REN: variants seen among roughly 807,000 people sequenced by gnomAD.
The protein encoded by REN is angiotensin-forming enzyme.
In REN, 42 loss-of-function variants were observed where a neutral mutation model predicts 48.6. That is an observed-to-expected ratio of 0.86 (90% CI 0.68 to 1.12). The LOEUF (loss-of-function observed/expected upper bound fraction) is 1.12, where lower values mean the gene tolerates loss of function less well. Among genes scored for constraint, REN ranks in the 50% most tolerant of loss-of-function variants. REN has a pLI of 0.00. For missense variants in REN, 443 were observed against 527.3 expected (o/e 0.84, Z 1.57); for synonymous variants, 196 against 204.6 (o/e 0.96, Z 0.36).
At chr1:204,159,365 C>T in intron 5 of REN, 34 bp downstream of exon 5, 1 of 1,593,964 alleles carries the variant, frequency 6.3e-7, no homozygotes, top group East Asian at 2.2e-5. Flanking sequence ...CCCTCCTGTC[C>T]CCCCACCTCA....
chr1:204,157,405 A>G (rs372318806), intron 5 of REN, 36 bp from the exon 6 acceptor site: 1 of 1,614,170 alleles, frequency 6.2e-7, no homozygotes, highest in Non-Finnish European at 8.5e-7. Flanking sequence ...AGGAAGCTTC[A>G]TTTCATGCCA....
chr1:204,159,335 T>TCCACTCCCCATCTCTTCTC lies in REN; in HGVS notation c.689+45_689+63dup, dbSNP rs771192573. On this transcript the variant is annotated intron_variant, in intron 5 of 9. Transcript: ENST00000272190. ...TTACAATTCTGGCCCAGACTCTCCT[T>TCCACTCCCCATCTCTTCTC]CCACTCCCCATCTCTTCTCCCCTCC... 2.1e-6 allele frequency: 3 copies of TCCACTCCCCATCTCTTCTC among 1,463,388 alleles called. No individual in the cohort carries two copies. The South Asian group carries it at 3.4e-5, about 17-fold the overall frequency. 90.7% of individuals were successfully genotyped at this position (1,463,388 alleles called of 1,614,324 possible).
rs749227987 is a variant in REN, at chr1:204,159,403, T to A, written c.685A>T (p.Asn229Tyr). 4 of 1,613,286 alleles carry A rather than the reference T, an allele frequency of 2.5e-6. No individual in the cohort carries two copies. In the South Asian group the frequency reaches 4.4e-5, roughly 18 times the overall value. The change falls in exon 5 of 10, where the codon AAC becomes TAC. Residue 229 changes from asparagine (N) to tyrosine (Y), a missense_variant. Transcript: ENST00000272190. ...CCTTGGAGTCCCAGTCCCCACCTGT[T>A]GTAGTAGAAAGAGAAGACGTCCTCT... ...LKEDVFSFYY[N>Y]RDSENSQSLG...
At chr1:204,159,805 G>T (rs1323525647) in intron 4 of REN, among the ~76,000 whole-genome samples, 2 of 152,184 alleles carry the variant, frequency 1.3e-5, no homozygotes, top group East Asian at 3.9e-4. Context: ...GTTGACCAGG[G>T]ATCGGAGAGC....
intron 5 of REN, among the ~76,000 whole-genome samples, chr1:204,157,917 C>T (rs1407505819): frequency 6.6e-6 from 1 of 152,188 alleles, no homozygotes; most frequent in East Asian, 1.9e-4. Flanking sequence ...TGGCTTCTTC[C>T]TGTCTGCTGG....
chr1:204,160,371 G>C (rs1044930049), intron 4 of REN, among the ~76,000 whole-genome samples, 189 bp downstream of exon 4: 36 of 152,230 alleles, frequency 2.4e-4, no homozygotes, highest in African/African-American at 8.4e-4. Flanking sequence ...CCGTAGCCCA[G>C]GCTTGCTCCC....
intron 2 of REN, 121 bp from the exon 3 acceptor site, chr1:204,161,536 C>A: frequency 2.1e-6 from 2 of 969,180 alleles, no homozygotes; most frequent in Non-Finnish European, 2.8e-6. Flanking sequence ...TATAGCCTCT[C>A]GGGGTTTCCA....
chr1:204,156,915 T>G lies in REN; in HGVS notation c.699-119A>C, dbSNP rs958172752. ...GACAGAGGGCTCTAGAGCAGAGGAA[T>G]GTGGGACAGACAGCCAGGCTCGGAG... On this transcript the variant is annotated intron_variant, in intron 6 of 9. Coordinates refer to ENST00000272190, the MANE Select transcript of REN (RefSeq NM_000537.4). This position sits in a 1 kb window ranked among gnomAD's most constrained non-coding sequence, Gnocchi z 4.2. The G allele has an allele frequency of 1.2e-5, 16 of 1,300,328 alleles. No individual in the cohort carries two copies. Among genetic ancestry groups the G allele is most frequent in the Non-Finnish European group, 1.8e-5 (16 of 910,050 alleles). The allele number at this position is 1,300,328 out of a possible 1,614,324, so 80.5% of individuals were successfully genotyped here. A position where few individuals can be genotyped will look rare whatever the true frequency, so the allele number is the denominator to read the frequency against.
At chr1:204,157,289 G>A (rs3730101) in intron 6 of REN, 72 bp downstream of exon 6, 82 of 1,594,410 alleles carry the variant, frequency 5.1e-5, no homozygotes, top group Middle Eastern at 5.0e-4. Context: ...GGCCGGTGGC[G>A]TGTGTAATTC....
Position 204,155,087 on chromosome 1 carries a change from T to C in REN, c.1150A>G (p.Thr384Ala), listed in dbSNP as rs753179547. The change falls in exon 10 of 10, where the codon ACC becomes GCC. Residue 384 changes from threonine to alanine, a missense_variant. Thr to Ala is a moderately conservative substitution (Grantham distance 58, BLOSUM62 0). Transcript: ENST00000272190. Reference sequence around the variant, plus strand: ...TCTGTGTAGAACTTTCGGATGAAGGTGGCCCCCAGGGCCCAGGTGGGTCCA... The same window carrying C: ...TCTGTGTAGAACTTTCGGATGAAGGCGGCCCCCAGGGCCCAGGTGGGTCCA... ...PTGPTWALGA[T>A]FIRKFYTEFD... 3 of 1,614,234 alleles carry C rather than the reference T, an allele frequency of 1.9e-6. No individual in the cohort carries two copies. The highest frequency in any genetic ancestry group is 2.5e-6 in the Non-Finnish European group (3 of 1,180,052).
At chr1:204,166,096 C>A (rs1450083029) in intron 1 of REN, 100 bp downstream of exon 1, 5 of 958,298 alleles carry the variant, frequency 5.2e-6, no homozygotes, top group South Asian at 4.0e-5. Flanking sequence ...TCCAGCTGAT[C>A]GTAAGGACTG....
intron 4 of REN, among the ~76,000 whole-genome samples, chr1:204,160,348 C>T (rs1228829031): frequency 6.6e-6 from 1 of 152,240 alleles, no homozygotes; most frequent in African/African-American, 2.4e-5. Flanking sequence ...CCACAAACCA[C>T]CCAACGGTGA....
In REN at chr1:204,165,086, C is replaced by T. The variant is rs187692821; in HGVS notation, c.98+1110G>A. ...TCCCAGGTTCAAGCGATTCTCCTGC[C>T]TCAGCCTCCCAAGTAGCTGGAATTA... On this transcript the variant is annotated intron_variant, in intron 1 of 9. Coordinates refer to ENST00000272190, the MANE Select transcript of REN (RefSeq NM_000537.4). 2.0e-5 allele frequency among the ~76,000 whole-genome samples: 3 copies of T among 152,230 alleles called. No homozygotes were observed. In the East Asian group the frequency reaches 5.8e-4, roughly 29 times the overall value.
intron 3 of REN, 32 bp downstream of exon 3, chr1:204,161,260 G>A (rs1314843608): frequency 3.8e-6 from 6 of 1,568,910 alleles, no homozygotes; most frequent in Non-Finnish European, 5.2e-6. Context: ...GCAGGGGGAT[G>A]GAGGAGAGGC....
intron 9 of REN, 35 bp downstream of exon 9, chr1:204,155,785 C>T (rs1414044487): frequency 8.1e-6 from 12 of 1,486,232 alleles, no homozygotes; most frequent in South Asian, 1.2e-5. Flanking sequence ...TCCAGCCTTT[C>T]TCCCTGCCAC....
intron 5 of REN, among the ~76,000 whole-genome samples, chr1:204,158,756 G>A (rs115878563): frequency 3.3e-4 from 50 of 152,304 alleles, no homozygotes; most frequent in African/African-American, 1.2e-3. Flanking sequence ...CTGCCTGCCT[G>A]TGACACTCTT....
chr1:204,162,699 T>G (rs1658269910), intron 1 of REN, among the ~76,000 whole-genome samples: 2 of 152,186 alleles, frequency 1.3e-5, no homozygotes, highest in African/African-American at 4.8e-5. Context: ...CCACAGCAGC[T>G]GCAAGGTCTC....
rs1230400510 is a variant in REN at position 204,161,185 on chromosome 1, C to A, written c.373+107G>T. ...AGTGGGCACAGAGGCAGAGAGGAAG[C>A]CACTCCCTTGGTGGCAAGAGGGATG... On this transcript the variant is annotated intron_variant, in intron 3 of 9. Coordinates refer to ENST00000272190, the MANE Select transcript of REN (RefSeq NM_000537.4). The A allele has an allele frequency of 3.0e-5, 39 of 1,288,120 alleles. No homozygotes were observed. The Middle Eastern group carries it at 2.0e-3, about 66-fold the overall frequency. 79.8% of individuals were successfully genotyped at this position (1,288,120 alleles called of 1,614,324 possible). A position where few individuals can be genotyped will look rare whatever the true frequency, so the allele number is the denominator to read the frequency against.
At position 204,166,303 on chromosome 1, in the gene REN, A is replaced by C. The variant is rs761426326; in HGVS notation, c.-10T>G. On this transcript the variant is annotated 5_prime_UTR_variant, in exon 1 of 10. Transcript: ENST00000272190. ...TTCTCCATCCATCCATGCTTCCCTC[A>C]GTCTGGGGCTCTCTCTGAGATCCAC... 6.2e-7 allele frequency: 1 copy of C among 1,613,280 alleles called. No homozygotes were observed. Among genetic ancestry groups the C allele is most frequent in the African/African-American group, 1.3e-5 (1 of 74,922 alleles).
Sources: gnomAD v4.1 joint callset for allele counts (sites outside exome capture counted in the v4.1 genomes callset) on GRCh38, gnomAD v4.1.1 for gene constraint, Gnocchi (gnomAD v3.1) non-coding constraint, MANE v1.5 for transcripts, NCBI Gene and HGNC (gene_info 2026-07-23, HGNC 2026-07-21) for gene names.